Variants in RANBP9 observed in about 807,000 individuals in gnomAD.
RANBP9 encodes ran-binding protein 9.
In RANBP9, 15 loss-of-function variants were observed where a neutral mutation model predicts 84.3. The observed-to-expected ratio is 0.18, with a 90% CI of 0.12 to 0.27. The LOEUF (loss-of-function observed/expected upper bound fraction) is 0.27. Among genes scored for constraint, RANBP9 ranks in the 10% least tolerant of loss-of-function variants. RANBP9 has a pLI of 1.00. For synonymous variants in RANBP9, 392 were observed against 349.6 expected (o/e 1.12, Z -1.35); for missense variants, 809 against 912.8 (o/e 0.89, Z 1.46).
At chr6:13,628,557 C>CA (rs1323919046) in intron 12 of RANBP9, among the ~76,000 whole-genome samples, 3 of 152,114 alleles carry the variant, frequency 2.0e-5, no homozygotes, top group East Asian at 3.9e-4. Flanking sequence ...AAGGATCACA[C>CA]AAAAACACTA....
chr6:13,653,945 CAAAAGTA>C (rs1250113393), intron 4 of RANBP9, among the ~76,000 whole-genome samples: 1 of 151,812 alleles, frequency 6.6e-6, no homozygotes, highest in African/African-American at 2.4e-5. Context: ...AAAAATTTCA[CAAAAGTA>C]AAAAGAATAC....
At chr6:13,632,343 T>G (rs190297039) in intron 12 of RANBP9, 27 bp downstream of exon 12, 301 of 1,603,108 alleles carry the variant, frequency 1.9e-4, no homozygotes, top group Admixed American at 2.4e-4. Flanking sequence ...GACATATTCA[T>G]AATTTTTCAA....
Position 13,711,630 on chromosome 6 carries a change from G to T in RANBP9, c.-125C>A. The stretch of plus-strand genomic sequence containing the variant: ...AGTCCGCCCGCCCCGGAAGCAGGCG[G>T]CGGGCCGCGCGCCCAGGGAGACCGC... On this transcript the variant is annotated 5_prime_UTR_variant, in exon 1 of 14. Transcript: ENST00000011619. 1 of 917,212 alleles carries T rather than the reference G, an allele frequency of 1.1e-6. No homozygotes were observed. The highest frequency in any genetic ancestry group is 5.4e-5 in the South Asian group (1 of 18,458). The allele number at this position is 917,212 out of a possible 1,614,324, so 56.8% of individuals were successfully genotyped here. A position where few individuals can be genotyped will look rare whatever the true frequency, so the allele number is the denominator to read the frequency against.
rs1040692941 is a variant in RANBP9, at chr6:13,710,727, A to G, written c.571+208T>C. Among the ~76,000 whole-genome samples the G allele has an allele frequency of 4.4e-4, 67 of 151,910 alleles. 2 individuals carry two copies. Among genetic ancestry groups the G allele is most frequent in the Admixed American group, 2.0e-4 (3 of 15,264 alleles). On this transcript the variant is annotated intron_variant, in intron 1 of 13. Transcript: ENST00000011619. ...CTTTCTACCCTGGGGCATTCTACTC[A>G]CCTTCCTTTTCCAAGAATCTCGCCC... is the stretch of plus-strand genomic sequence containing the variant.
At chr6:13,686,592 C>T (rs1161573141) in intron 2 of RANBP9, among the ~76,000 whole-genome samples, 1 of 151,734 alleles carries the variant, frequency 6.6e-6, no homozygotes, top group Non-Finnish European at 1.5e-5. Flanking sequence ...GCCTAATAAA[C>T]AGGGTCTCGC....
intron 4 of RANBP9, among the ~76,000 whole-genome samples, chr6:13,655,011 C>G (rs1255977732): frequency 2.6e-5 from 4 of 152,238 alleles, no homozygotes; most frequent in African/African-American, 9.6e-5. Context: ...AACTGAGGCA[C>G]AGAAATGTTA....
intron 2 of RANBP9, among the ~76,000 whole-genome samples, chr6:13,696,151 A>G (rs1766438824): frequency 6.6e-6 from 1 of 152,292 alleles, no homozygotes; most frequent in African/African-American, 2.4e-5. Context: ...ACTTCTGAAA[A>G]TCCTAATTTA....
intron 2 of RANBP9, among the ~76,000 whole-genome samples, chr6:13,661,502 G>GA (rs1308693471): frequency 2.7e-5 from 4 of 150,880 alleles, no homozygotes; most frequent in Admixed American, 6.6e-5. Context: ...AAAAAAATGA[G>GA]AAAAAAAGAG....
intron 10 of RANBP9, among the ~76,000 whole-genome samples, chr6:13,635,337 G>A (rs550121499): frequency 2.1e-4 from 32 of 152,040 alleles, no homozygotes; most frequent in Middle Eastern, 3.4e-3. Flanking sequence ...AGAACCATCC[G>A]CACTCTTATA....
In RANBP9 at chr6:13,622,380, C is replaced by A. The variant is rs751481700; in HGVS notation, c.2172G>T (p.Val724=). The stretch of plus-strand genomic sequence containing the variant: ...TGCATAGCTAATGTAGGTAGTCTTC[C>A]ACTGTGGCAAATGCGCAGGATCCAA... ...SGIGSCAFAT[V]EDYLH The change falls in exon 14 of 14, where the codon GTG becomes GTT. Residue 724 remains valine, a synonymous_variant. Transcript: ENST00000011619. 3 of 1,592,582 alleles carry A rather than the reference C, an allele frequency of 1.9e-6. No homozygotes were observed. The highest frequency in any genetic ancestry group is 1.7e-4 in the Middle Eastern group (1 of 5,974).
chr6:13,668,678 TAAA>T (rs568851638), intron 2 of RANBP9, among the ~76,000 whole-genome samples: 1 of 151,774 alleles, frequency 6.6e-6, no homozygotes, highest in Non-Finnish European at 1.5e-5. Context: ...TTTCACGATT[TAAA>T]AAAAATCATG....
chr6:13,693,260 C>G (rs948568044), intron 2 of RANBP9, among the ~76,000 whole-genome samples: 1 of 152,074 alleles, frequency 6.6e-6, no homozygotes, highest in Non-Finnish European at 1.5e-5. Context: ...TCAGAGAACT[C>G]CAAATGGTAC....
chr6:13,700,126 C>G (rs1757929784), intron 1 of RANBP9, among the ~76,000 whole-genome samples: 1 of 152,214 alleles, frequency 6.6e-6, no homozygotes, highest in African/African-American at 2.4e-5. Context: ...CTTCCTAATT[C>G]TAAGGCTAGC....
At chr6:13,657,309 A>G (rs746627655) in intron 3 of RANBP9, 33 bp from the exon 4 acceptor site, 2 of 1,573,844 alleles carry the variant, frequency 1.3e-6, no homozygotes, top group South Asian at 2.3e-5. Context: ...TTTACAATGA[A>G]AAGTAAGGTT....
At position 13,683,320 on chromosome 6, in the gene RANBP9, G is replaced by T. The variant is rs558488433; in HGVS notation, c.683+13465C>A. Reference sequence around the variant, plus strand: ...ATCTGAGATAAACATAAATAGAATGGTTATAAACTGTTTTCCTGGTTCTGA... The same window carrying T: ...ATCTGAGATAAACATAAATAGAATGTTTATAAACTGTTTTCCTGGTTCTGA... On this transcript the variant is annotated intron_variant, in intron 2 of 13. Transcript: ENST00000011619. Among the ~76,000 whole-genome samples the T allele has an allele frequency of 1.7e-4, 26 of 152,210 alleles. No individual in the cohort carries two copies. In the South Asian group the frequency reaches 4.3e-3, roughly 25 times the overall value.
At chr6:13,662,134 G>A (rs1765549553) in intron 2 of RANBP9, among the ~76,000 whole-genome samples, 1 of 152,000 alleles carries the variant, frequency 6.6e-6, no homozygotes, top group African/African-American at 2.4e-5. Flanking sequence ...GAAACAATCA[G>A]CACAGAAAAT....
chr6:13,649,953 A>G (rs772416122), intron 5 of RANBP9, among the ~76,000 whole-genome samples: 2 of 152,160 alleles, frequency 1.3e-5, no homozygotes, highest in Non-Finnish European at 2.9e-5. Flanking sequence ...CCATTAGCCA[A>G]TTCTCTTGGT....
At position 13,704,903 on chromosome 6, in the gene RANBP9, G is replaced by A. The variant is rs144334239; in HGVS notation, c.571+6032C>T. Among the ~76,000 whole-genome samples, 913 of 151,898 alleles carry A rather than the reference G, an allele frequency of 6.0e-3. 13 individuals are homozygous for A. Among genetic ancestry groups the A allele is most frequent in the African/African-American group, 0.021 (857 of 41,402 alleles). Reference sequence around the variant, plus strand: ...TTTCCAATGTCAGCCTGGGTTATACGCTCCTCCTATTTTCCACAGTACTCT... The same window carrying A: ...TTTCCAATGTCAGCCTGGGTTATACACTCCTCCTATTTTCCACAGTACTCT... On this transcript the variant is annotated intron_variant, in intron 1 of 13. Coordinates refer to ENST00000011619, the MANE Select transcript of RANBP9 (RefSeq NM_005493.3).
intron 2 of RANBP9, among the ~76,000 whole-genome samples, chr6:13,693,791 C>A (rs543198294): frequency 6.6e-6 from 1 of 152,250 alleles, no homozygotes; most frequent in South Asian, 2.1e-4. Context: ...GCCTGCAATC[C>A]CAGCACTTTG....
Sources: gnomAD v4.1 joint callset for allele counts (sites outside exome capture counted in the v4.1 genomes callset) on GRCh38, gnomAD v4.1.1 for gene constraint, MANE v1.5 for transcripts, NCBI Gene and HGNC (gene_info 2026-07-23, HGNC 2026-07-21) for gene names.